The following EYS variants were observed in gnomAD, a reference collection of about 807,000 sequenced individuals.
The protein encoded by EYS is EGF-like photoreceptor maintenance factor.
EYS carries 250 observed loss-of-function variants against 282.1 expected under a neutral mutation model. That is an observed-to-expected ratio of 0.89 (90% confidence interval 0.80 to 0.98). The LOEUF is 0.98. EYS is among the 50% of genes least tolerant of loss of function. The probability of loss-of-function intolerance (pLI) is 0.00; values close to 1 mark genes in which losing one functional copy is unlikely to be tolerated. For synonymous variants in EYS, 1,355 were observed against 1,282.9 expected, an observed-to-expected ratio of 1.06 and a Z score of -1.20; for missense variants, 4,016 against 3,709.0, an observed-to-expected ratio of 1.08 and a Z score of -2.15.
intron 13 of EYS, among the ~76,000 whole-genome samples, chr6:65,054,104 T>C (rs1773348794): frequency 6.6e-6 from 1 of 152,008 alleles, no homozygotes; most frequent in Non-Finnish European, 1.5e-5. Context: ...AAATTGTATT[T>C]ATTCATAACA....
rs1380824642 is a variant in EYS, at chr6:64,945,870, A to C, written c.2304T>G (p.Cys768Trp). Reference protein sequence around the residue: ...VCLSDWEGNFCEQESNECKMN... With the variant: ...VCLSDWEGNFWEQESNECKMN... ...TTTTACACTCATTGGATTCTTGTTC[A>C]CAAAAATTTCCTTCCCAATCAGATA... Residue 768 changes from cysteine to tryptophan, a missense_variant, in exon 15 of 43, where the codon TGT (cysteine) becomes TGG (tryptophan). Physicochemically the swap from Cys to Trp is radical, Grantham distance 215. Coordinates refer to ENST00000503581, the MANE Select transcript of EYS (RefSeq NM_001142800.2). The C allele has an allele frequency of 1.3e-6, 2 of 1,549,082 alleles. No individual in the cohort carries two copies. The highest frequency in any genetic ancestry group is 1.7e-6 in the Non-Finnish European group (2 of 1,145,234).
intron 29 of EYS, among the ~76,000 whole-genome samples, chr6:64,385,710 CA>C (rs1359598949): frequency 6.6e-6 from 1 of 152,180 alleles, no homozygotes; most frequent in Non-Finnish European, 1.5e-5. Context: ...GACTTATTAA[CA>C]AGCTTCTAGA....
At chr6:64,179,754 AGACAGAAATTGGTACTGAACTTAG>A (rs1764737474) in intron 31 of EYS, among the ~76,000 whole-genome samples, 1 of 152,066 alleles carries the variant, frequency 6.6e-6, no homozygotes, top group Non-Finnish European at 1.5e-5. Flanking sequence ...CTTGTGTTTC[AGACAGAAATTGGTACTGAACTTAG>A]GAGCTGATTC....
chr6:64,003,670 G>A (rs1768202443), intron 33 of EYS, among the ~76,000 whole-genome samples: 2 of 152,106 alleles, frequency 1.3e-5, no homozygotes, highest in South Asian at 2.1e-4. Context: ...GGTATTCTCT[G>A]AATGATATGG....
chr6:65,295,442 T>G (rs1768634245), intron 12 of EYS, among the ~76,000 whole-genome samples: 1 of 151,946 alleles, frequency 6.6e-6, no homozygotes, highest in African/African-American at 2.4e-5. Flanking sequence ...CAAACTGACC[T>G]AGACAATACT....
At chr6:63,768,370 T>A (rs558673803) in intron 40 of EYS, among the ~76,000 whole-genome samples, 1 of 151,252 alleles carries the variant, frequency 6.6e-6, no homozygotes, top group African/African-American at 2.4e-5. Flanking sequence ...ACTTAAACAA[T>A]TCAACAAGCA....
chr6:64,900,528 T>C (rs1174409209), intron 18 of EYS, among the ~76,000 whole-genome samples: 1 of 151,678 alleles, frequency 6.6e-6, no homozygotes, highest in Non-Finnish European at 1.5e-5. Flanking sequence ...TTAAACAAAT[T>C]TACAAGAAAA....
chr6:64,485,990 T>C (rs1776570749), intron 26 of EYS, among the ~76,000 whole-genome samples: 1 of 151,320 alleles, frequency 6.6e-6, no homozygotes, highest in African/African-American at 2.4e-5. Flanking sequence ...ACAAAGGAAA[T>C]TATATGCTGG....
intron 31 of EYS, among the ~76,000 whole-genome samples, chr6:64,192,676 C>G (rs1040979727): frequency 6.6e-6 from 1 of 152,056 alleles, no homozygotes; most frequent in African/African-American, 2.4e-5. Context: ...ATACAAAAAT[C>G]AATTCAAGAT....
intron 22 of EYS, among the ~76,000 whole-genome samples, chr6:64,782,060 G>T (rs1262822769): frequency 6.6e-6 from 1 of 152,116 alleles, no homozygotes; most frequent in Non-Finnish European, 1.5e-5. Context: ...CTTGTTGACT[G>T]CCCACTTTTA....
intron 13 of EYS, among the ~76,000 whole-genome samples, 168 bp downstream of exon 13, chr6:65,057,446 C>T (rs1214245748): frequency 6.6e-6 from 1 of 152,074 alleles, no homozygotes; most frequent in Non-Finnish European, 1.5e-5. Flanking sequence ...ACTAATTTCA[C>T]TCTAGTTTCT....
At chr6:64,977,187 G>A (rs80156188) in intron 14 of EYS, among the ~76,000 whole-genome samples, 3,294 of 151,846 alleles carry the variant, frequency 0.022, 123 homozygotes, top group African/African-American at 0.075. Context: ...ACCACTGCAC[G>A]TTGCCTTATC....
rs1221605660 is a variant in EYS at position 65,553,550 on chromosome 6, A to G, written c.-332-57557T>C. 4.0e-5 allele frequency among the ~76,000 whole-genome samples: 6 copies of G among 151,830 alleles called. No homozygotes were observed. In the East Asian group the frequency reaches 1.2e-3, roughly 29 times the overall value. Reference sequence around the variant, plus strand: ...ATTGAGGGAAATCATATTAATAGGAAAAAAAAGTTTACCTATGAGACTTTT... The same window carrying G: ...ATTGAGGGAAATCATATTAATAGGAGAAAAAAGTTTACCTATGAGACTTTT... On this transcript the variant is annotated intron_variant, in intron 2 of 42. Coordinates refer to ENST00000503581, the MANE Select transcript of EYS (RefSeq NM_001142800.2).
chr6:65,238,104 T>C (rs2150273598), intron 12 of EYS, among the ~76,000 whole-genome samples: 1 of 151,988 alleles, frequency 6.6e-6, no homozygotes, highest in South Asian at 2.1e-4. Flanking sequence ...ATTTCAGAAC[T>C]TTAAAGTCTA....
At chr6:64,975,371 C>A (rs987854934) in intron 14 of EYS, among the ~76,000 whole-genome samples, 1 of 151,816 alleles carries the variant, frequency 6.6e-6, no homozygotes, top group African/African-American at 2.4e-5. Flanking sequence ...TCTCTCTGTG[C>A]TGTAACTTAA....
At chr6:63,802,196 T>C (rs920398389) in intron 37 of EYS, among the ~76,000 whole-genome samples, 1 of 152,222 alleles carries the variant, frequency 6.6e-6, no homozygotes. Flanking sequence ...TCCCTATATA[T>C]GATATTATGG....
intron 12 of EYS, among the ~76,000 whole-genome samples, chr6:65,239,295 A>G (rs1378378025): frequency 6.6e-6 from 1 of 152,112 alleles, no homozygotes; most frequent in African/African-American, 2.4e-5. Flanking sequence ...TATTATTTTG[A>G]CATAAATGAA....
Position 64,912,664 on chromosome 6 carries a change from C to A in EYS, c.2461G>T (p.Gly821Ter), listed in dbSNP as rs2150076887. 6.5e-7 allele frequency: 1 copy of A among 1,546,012 alleles called. No homozygotes were observed. The change falls in exon 16 of 43, where the codon GGA (glycine) becomes TGA (stop). Residue 821 changes from glycine to a stop codon, truncating the protein, a stop_gained. Transcript: ENST00000503581. LOFTEE classifies it high-confidence loss of function. ...NECDSDPCMN[G>*]GLCHESTIPG... The stretch of plus-strand genomic sequence containing the variant: ...ATGGTAGATTCATGACAAAGACCTC[C>A]ATTCATGCATGGATCAGAGTCGCAT...
intron 35 of EYS, among the ~76,000 whole-genome samples, chr6:63,888,100 C>G (rs1773311993): frequency 6.6e-6 from 1 of 152,200 alleles, no homozygotes; most frequent in Non-Finnish European, 1.5e-5. Context: ...TACTGCCTCT[C>G]TGGGAAGGGC....
Sources: allele counts gnomAD v4.1 joint callset (sites outside exome capture counted in the v4.1 genomes callset), GRCh38; gene constraint gnomAD v4.1.1; transcripts MANE v1.5; gene names NCBI Gene and HGNC (gene_info 2026-07-23, HGNC 2026-07-21).